ESRRG: variants seen among roughly 807,000 people sequenced by gnomAD.
ESRRG encodes the protein estrogen related receptor gamma, also known as estrogen-related receptor gamma.
In ESRRG, 13 loss-of-function variants were observed where a neutral mutation model predicts 44.0. The ratio of observed to expected loss-of-function variants is 0.30; its 90% confidence interval spans 0.19 to 0.47. The LOEUF is 0.47. Among genes scored for constraint, ESRRG ranks in the 20% least tolerant of loss-of-function variants. The pLI is 1.00. For missense variants in ESRRG, 395 were observed against 580.6 expected (o/e 0.68, Z 3.29); for synonymous variants, 215 against 214.6 (o/e 1.00, Z -0.02).
chr1:216,904,898 C>T (rs140519695), intron 2 of ESRRG, among the ~76,000 whole-genome samples: 177 of 152,142 alleles, frequency 1.2e-3, no homozygotes, highest in African/African-American at 3.8e-3. Context: ...TCTGAACTGC[C>T]CAAGGAAAAT....
chr1:216,977,442 A>G (rs1424251080), intron 1 of ESRRG, among the ~76,000 whole-genome samples: 1 of 152,062 alleles, frequency 6.6e-6, no homozygotes, highest in Non-Finnish European at 1.5e-5. Context: ...ATCTACACAT[A>G]TCATCTTTAT....
At chr1:216,866,244 C>G (rs2096155153) in intron 2 of ESRRG, among the ~76,000 whole-genome samples, 2 of 152,148 alleles carry the variant, frequency 1.3e-5, no homozygotes, top group African/African-American at 4.8e-5. Flanking sequence ...TACATACACA[C>G]ATTTTATTGG....
At chr1:216,769,675 G>A (rs1180609852) in intron 2 of ESRRG, among the ~76,000 whole-genome samples, 3 of 152,074 alleles carry the variant, frequency 2.0e-5, no homozygotes, top group African/African-American at 7.2e-5. Flanking sequence ...TCTATTAGAG[G>A]TAGGCACACT....
intron 3 of ESRRG, among the ~76,000 whole-genome samples, chr1:216,609,528 C>A (rs2060346632): frequency 6.6e-6 from 1 of 152,070 alleles, no homozygotes; most frequent in African/African-American, 2.4e-5. Flanking sequence ...CCACTTCTTT[C>A]TAGAAATAAC....
intron 3 of ESRRG, among the ~76,000 whole-genome samples, chr1:216,583,156 C>T (rs2063123545): frequency 6.6e-6 from 1 of 152,080 alleles, no homozygotes; most frequent in Non-Finnish European, 1.5e-5. Context: ...TAGCACATTA[C>T]ATAGGGTGAA....
chr1:216,506,931 GC>G lies in ESRRG; in HGVS notation c.*7del, dbSNP rs1571889369. On this transcript the variant is annotated 3_prime_UTR_variant, in exon 7 of 7. Transcript: ENST00000408911. ...CATGAAGGATGGGAAGGCCCAGGGA[GC>G]TTTTAGTCAGACCTTGGCCTCCAAC... 6.2e-7 allele frequency: 1 copy of G among 1,611,954 alleles called. No homozygotes were observed. Among genetic ancestry groups the G allele is most frequent in the African/African-American group, 1.3e-5 (1 of 74,960 alleles).
chr1:217,001,389 G>A (rs557580116), intron 1 of ESRRG, among the ~76,000 whole-genome samples: 21 of 152,098 alleles, frequency 1.4e-4, no homozygotes, highest in Non-Finnish European at 2.9e-4. Context: ...AACTGCCTTG[G>A]GCAGTAAAAA....
chr1:216,575,692 G>C (rs1403475839), intron 3 of ESRRG, among the ~76,000 whole-genome samples: 1 of 152,046 alleles, frequency 6.6e-6, no homozygotes, highest in Non-Finnish European at 1.5e-5. Context: ...CAGAACTCAC[G>C]TTCTTAAGCA....
At chr1:216,830,017 C>T (rs978315918) in intron 2 of ESRRG, among the ~76,000 whole-genome samples, 1 of 152,046 alleles carries the variant, frequency 6.6e-6, no homozygotes, top group Non-Finnish European at 1.5e-5. Context: ...AGCATCAAGG[C>T]GTTGACAGCA....
At chr1:216,576,664 G>A (rs902037552) in intron 3 of ESRRG, among the ~76,000 whole-genome samples, 1 of 152,006 alleles carries the variant, frequency 6.6e-6, no homozygotes, top group African/African-American at 2.4e-5. Context: ...GGGATCATGT[G>A]CTAAATTTAT....
intron 2 of ESRRG, among the ~76,000 whole-genome samples, chr1:216,785,603 G>A (rs996048061): frequency 3.9e-5 from 6 of 151,988 alleles, no homozygotes; most frequent in African/African-American, 7.2e-5. Flanking sequence ...AAAGAAGACT[G>A]TTATGCAATA....
At chr1:217,067,864 C>T (rs1464007753) in intron 1 of ESRRG, among the ~76,000 whole-genome samples, 1 of 152,156 alleles carries the variant, frequency 6.6e-6, no homozygotes, top group East Asian at 1.9e-4. Context: ...AACCCCACAA[C>T]ACTGACACCC....
intron 2 of ESRRG, among the ~76,000 whole-genome samples, chr1:216,816,776 C>A (rs986582615): frequency 1.3e-5 from 2 of 152,080 alleles, no homozygotes; most frequent in African/African-American, 4.8e-5. Flanking sequence ...TGTTTTGAAA[C>A]AAGTCCCCCT....
intron 3 of ESRRG, among the ~76,000 whole-genome samples, chr1:216,629,547 A>G (rs2063755607): frequency 6.6e-6 from 1 of 152,186 alleles, no homozygotes; most frequent in Non-Finnish European, 1.5e-5. Context: ...TTTGGCTCTT[A>G]TATAGGAATG....
At chr1:216,557,814 C>A (rs899470415) in intron 5 of ESRRG, among the ~76,000 whole-genome samples, 2 of 152,148 alleles carry the variant, frequency 1.3e-5, no homozygotes, top group Admixed American at 6.6e-5. Flanking sequence ...TCATGCACAT[C>A]TTTTAAATTT....
chr1:216,632,608 C>G (rs1418426192), intron 3 of ESRRG, among the ~76,000 whole-genome samples: 4 of 151,762 alleles, frequency 2.6e-5, no homozygotes, highest in African/African-American at 2.4e-5. Context: ...CCTGGGTATA[C>G]CAGGAAGGAT....
chr1:216,894,622 A>T (rs2058201785), intron 2 of ESRRG, among the ~76,000 whole-genome samples: 1 of 152,202 alleles, frequency 6.6e-6, no homozygotes, highest in African/African-American at 2.4e-5. Context: ...TCTTATTTTT[A>T]GAAAGAACAA....
intron 1 of ESRRG, among the ~76,000 whole-genome samples, chr1:217,012,352 G>A (rs185804039): frequency 1.2e-4 from 19 of 152,214 alleles, no homozygotes; most frequent in Admixed American, 9.8e-4. Flanking sequence ...TAATAAAAAT[G>A]ATAAGATGTG....
intron 2 of ESRRG, among the ~76,000 whole-genome samples, chr1:216,807,627 C>G (rs979192350): frequency 1.3e-4 from 20 of 151,982 alleles, no homozygotes; most frequent in African/African-American, 4.3e-4. Context: ...AGAAAGGAGG[C>G]AGATCTCAGC....
Sources: gnomAD v4.1 joint callset for allele counts (sites outside exome capture counted in the v4.1 genomes callset) on GRCh38, gnomAD v4.1.1 for gene constraint, MANE v1.5 for transcripts, NCBI Gene and HGNC (gene_info 2026-07-23, HGNC 2026-07-21) for gene names.